IRAK1BP1: variants seen among roughly 807,000 people sequenced by gnomAD.
The protein encoded by IRAK1BP1 is interleukin 1 receptor associated kinase 1 binding protein 1.
IRAK1BP1 carries 24 observed loss-of-function variants against 28.0 expected under a neutral mutation model. The observed-to-expected ratio is 0.86, with a 90% CI of 0.62 to 1.20. The LOEUF (loss-of-function observed/expected upper bound fraction) is 1.20. Among genes scored for constraint, IRAK1BP1 ranks in the 50% most tolerant of loss-of-function variants. The pLI is 0.00. For synonymous variants in IRAK1BP1, 131 were observed against 116.3 expected (o/e 1.13, Z -0.81); for missense variants, 336 against 316.7 (o/e 1.06, Z -0.46).
At chr6:78,960,783 C>T in the IRAK1BP1 span, among the ~76,000 whole-genome samples, 16 of 152,062 alleles carry the variant, frequency 1.1e-4, no homozygotes, top group Admixed American at 7.2e-4. Context: ...GGTACAGGCA[C>T]AGGATAGCCC....
intron 2 of IRAK1BP1, among the ~76,000 whole-genome samples, chr6:78,892,745 A>G (rs567852659): frequency 2.8e-4 from 43 of 152,278 alleles, no homozygotes; most frequent in African/African-American, 1.0e-3. Context: ...AAACAAATTG[A>G]ATTTCCAAAG....
At chr6:78,953,314 A>G in the IRAK1BP1 span, among the ~76,000 whole-genome samples, 3 of 152,190 alleles carry the variant, frequency 2.0e-5, no homozygotes, top group Non-Finnish European at 4.4e-5. Flanking sequence ...ACCACTGCCC[A>G]AGGACTCAAT....
At chr6:78,934,903 AT>A (rs1321482454) in intron 4 of IRAK1BP1, among the ~76,000 whole-genome samples, 1 of 152,210 alleles carries the variant, frequency 6.6e-6, no homozygotes, top group African/African-American at 2.4e-5. Flanking sequence ...AAGGTATTTC[AT>A]TGAATGACTT....
intron 1 of IRAK1BP1, chr6:78,872,114 CT>C (rs1770814614): frequency 1.4e-6 from 1 of 701,446 alleles, no homozygotes; most frequent in Non-Finnish European, 2.6e-6. Flanking sequence ...ATCTTCACCC[CT>C]TGGGGTCGGA....
the IRAK1BP1 span, among the ~76,000 whole-genome samples, chr6:78,964,545 C>T: frequency 0.45 from 68,902 of 151,938 alleles, 16,216 homozygotes; most frequent in East Asian, 0.69. Flanking sequence ...CAGGCTGGAG[C>T]GCAGTGGTGC....
At chr6:78,913,059 G>C (rs1031135024) in intron 4 of IRAK1BP1, among the ~76,000 whole-genome samples, 1 of 152,150 alleles carries the variant, frequency 6.6e-6, no homozygotes, top group Non-Finnish European at 1.5e-5. Context: ...GTCATGGCCG[G>C]GTGCGGTAGC....
chr6:78,886,518 C>T (rs1343095716), intron 2 of IRAK1BP1, among the ~76,000 whole-genome samples: 1 of 152,102 alleles, frequency 6.6e-6, no homozygotes, highest in Non-Finnish European at 1.5e-5. Flanking sequence ...CAGTCTGATC[C>T]AAATTATCCA....
intron 2 of IRAK1BP1, among the ~76,000 whole-genome samples, chr6:78,896,729 G>A (rs923016542): frequency 3.3e-5 from 5 of 151,906 alleles, no homozygotes; most frequent in African/African-American, 1.2e-4. Context: ...GGGGGCTGAG[G>A]CAGGAGGATC....
chr6:78,924,103 C>G (rs535425281), intron 4 of IRAK1BP1, among the ~76,000 whole-genome samples: 1 of 152,194 alleles, frequency 6.6e-6, no homozygotes, highest in South Asian at 2.1e-4. Flanking sequence ...ACACAAAAAA[C>G]CCTTCAAAAA....
At chr6:78,965,799 T>C in the IRAK1BP1 span, 1 of 1,262,972 alleles carries the variant, frequency 7.9e-7, no homozygotes, top group Non-Finnish European at 1.1e-6. Flanking sequence ...TTAAAAAATC[T>C]AAATTATTGT....
chr6:78,924,181 TAAAG>T (rs1772823541), intron 4 of IRAK1BP1, among the ~76,000 whole-genome samples: 2 of 151,842 alleles, frequency 1.3e-5, no homozygotes, highest in South Asian at 4.2e-4. Flanking sequence ...GCAAGACTAA[TAAAG>T]AAGAAAAGAG....
At position 78,899,735 on chromosome 6, in the gene IRAK1BP1, A is replaced by C. The variant is rs906777041; in HGVS notation, c.*1401A>C. 34 of 152,142 alleles carry C rather than the reference A, an allele frequency of 2.2e-4. No homozygotes were observed. The highest frequency in any genetic ancestry group is 3.2e-4 in the Non-Finnish European group (22 of 68,028). The allele number at this position is 152,142 out of a possible 1,614,324, so 9.4% of individuals were successfully genotyped here. A position where few individuals can be genotyped will look rare whatever the true frequency, so the allele number is the denominator to read the frequency against. ...TGGGATTACAGGCGTGAGCCACTGC[A>C]TCTGGCCCTGTACGCACATTTTTAA... On this transcript the variant is annotated 3_prime_UTR_variant, in exon 4 of 4. Coordinates refer to ENST00000369940, the MANE Select transcript of IRAK1BP1 (RefSeq NM_001010844.4).
the IRAK1BP1 span, chr6:78,961,599 C>G: frequency 3.0e-6 from 4 of 1,321,538 alleles, no homozygotes; most frequent in African/African-American, 1.5e-5. Flanking sequence ...TTCCTATATA[C>G]AAAAAGTTGA....
chr6:78,915,441 C>A (rs956311605), intron 4 of IRAK1BP1, among the ~76,000 whole-genome samples: 2 of 152,174 alleles, frequency 1.3e-5, no homozygotes, highest in African/African-American at 4.8e-5. Context: ...GTTTCACCTG[C>A]AGGGAGTTTA....
intron 1 of IRAK1BP1, among the ~76,000 whole-genome samples, chr6:78,878,433 G>A (rs1771092557): frequency 1.3e-5 from 2 of 152,166 alleles, no homozygotes; most frequent in Admixed American, 1.3e-4. Flanking sequence ...GCAGCTAAGG[G>A]TCCTGACTGT....
At chr6:78,912,245 A>G (rs767775940) in intron 4 of IRAK1BP1, among the ~76,000 whole-genome samples, 2 of 152,142 alleles carry the variant, frequency 1.3e-5, no homozygotes, top group Non-Finnish European at 2.9e-5. Flanking sequence ...TAGACTCTCT[A>G]TAGTGCCAGA....
intron 4 of IRAK1BP1, among the ~76,000 whole-genome samples, chr6:78,917,764 A>G (rs1366497972): frequency 6.6e-6 from 1 of 152,068 alleles, no homozygotes; most frequent in Non-Finnish European, 1.5e-5. Context: ...TTGGGTGCCT[A>G]TTTTCAGCAT....
chr6:78,932,788 C>A (rs973416219), intron 4 of IRAK1BP1, among the ~76,000 whole-genome samples: 1 of 152,098 alleles, frequency 6.6e-6, no homozygotes, highest in Non-Finnish European at 1.5e-5. Flanking sequence ...AGGTGCAGAA[C>A]GGATGTTGTG....
At chr6:78,938,566 C>T (rs1442638415) in intron 4 of IRAK1BP1, 1 of 151,532 alleles carries the variant, frequency 6.6e-6, no homozygotes, top group African/African-American at 2.4e-5. Context: ...AAATTTCAAA[C>T]ATACACTATT....
Sources: gnomAD v4.1 joint callset for allele counts (sites outside exome capture counted in the v4.1 genomes callset) on GRCh38, gnomAD v4.1.1 for gene constraint, MANE v1.5 for transcripts, NCBI Gene and HGNC (gene_info 2026-07-23, HGNC 2026-07-21) for gene names.